The following AKNAD1 variants were observed in gnomAD, a reference collection of about 807,000 sequenced individuals.
AKNAD1 encodes the protein AKNA domain containing 1.
A neutral mutation model predicts 90.8 loss-of-function variants in AKNAD1; 67 were observed. The ratio of observed to expected loss-of-function variants is 0.74; its 90% confidence interval spans 0.61 to 0.90. AKNAD1 has a LOEUF of 0.90. Ranked by LOEUF, AKNAD1 falls within the 40% of genes least tolerant of loss-of-function variation. The pLI, the probability that AKNAD1 is intolerant of heterozygous loss-of-function variation, is 0.00. For missense variants in AKNAD1, 957 were observed against 975.4 expected (o/e 0.98, Z 0.25); for synonymous variants, 327 against 341.4 (o/e 0.96, Z 0.46).
At chr1:108,854,202 A>G (rs1215655225) in intron 1 of AKNAD1, among the ~76,000 whole-genome samples, 2 of 152,190 alleles carry the variant, frequency 1.3e-5, no homozygotes, top group Non-Finnish European at 2.9e-5. Context: ...TTTTTAAACA[A>G]AATTTAAAGC....
intron 6 of AKNAD1, 48 bp downstream of exon 6, chr1:108,843,083 AAGG>A (rs1664598628): frequency 2.5e-6 from 4 of 1,595,292 alleles, no homozygotes; most frequent in Non-Finnish European, 3.4e-6. Flanking sequence ...ATCCCACCTG[AAGG>A]AGATCACCTT....
At chr1:108,855,957 T>G (rs1665023276) in intron 1 of AKNAD1, among the ~76,000 whole-genome samples, 1 of 150,816 alleles carries the variant, frequency 6.6e-6, no homozygotes, top group Non-Finnish European at 1.5e-5. Flanking sequence ...GCTCAACTGA[T>G]CTTCCTCCCT....
At chr1:108,841,840 C>T (rs1436926508) in intron 6 of AKNAD1, among the ~76,000 whole-genome samples, 1 of 152,078 alleles carries the variant, frequency 6.6e-6, no homozygotes. Flanking sequence ...AAGTCTGGGT[C>T]CCTCCCTTGC....
At chr1:108,825,955 C>T (rs1663983810) in intron 11 of AKNAD1, among the ~76,000 whole-genome samples, 1 of 148,728 alleles carries the variant, frequency 6.7e-6, no homozygotes, top group South Asian at 2.1e-4. Flanking sequence ...TAAAAGGCAA[C>T]TGGATTCCAT....
intron 7 of AKNAD1, chr1:108,836,915 C>A (rs1287036089): frequency 6.6e-6 from 1 of 152,168 alleles, no homozygotes; most frequent in Non-Finnish European, 1.5e-5. Flanking sequence ...GAAGTGGATT[C>A]ATGGGAAATA....
chr1:108,854,846 T>A (rs752253208), intron 1 of AKNAD1, among the ~76,000 whole-genome samples: 4 of 152,188 alleles, frequency 2.6e-5, no homozygotes, highest in Non-Finnish European at 4.4e-5. Context: ...CTGGCTTCTC[T>A]GCTTTCTAGC....
intron 5 of AKNAD1, 85 bp from the exon 6 acceptor site, chr1:108,843,352 T>C: frequency 6.7e-7 from 1 of 1,497,818 alleles, no homozygotes; most frequent in African/African-American, 1.4e-5. Flanking sequence ...AGGTGTACCC[T>C]ACAGTAGTGT....
intron 1 of AKNAD1, among the ~76,000 whole-genome samples, chr1:108,855,744 C>A (rs1665011775): frequency 6.6e-6 from 1 of 152,036 alleles, no homozygotes; most frequent in Non-Finnish European, 1.5e-5. Context: ...CGAGATCATG[C>A]CGCTGTACTC....
chr1:108,852,821 A>G, intron 1 of AKNAD1, 54 bp from the exon 2 acceptor site: 1 of 580,614 alleles, frequency 1.7e-6, no homozygotes, highest in East Asian at 3.1e-5. Context: ...AATGTATACA[A>G]CTATGCCAGA....
In AKNAD1 at chr1:108,848,440, G is replaced by A. The variant is rs374504862; in HGVS notation, c.1245+312C>T. Among the ~76,000 whole-genome samples the A allele has an allele frequency of 1.2e-4, 18 of 152,224 alleles. 1 individual carries two copies. The highest frequency in any genetic ancestry group is 7.7e-4 in the East Asian group (4 of 5,192). ...GAATTCACCAGTACCCATCAACTGCGGACAGGCCCACTCTTTATAACTGAT... is the reference window on the plus strand; with the variant it reads ...GAATTCACCAGTACCCATCAACTGCAGACAGGCCCACTCTTTATAACTGAT... On this transcript the variant is annotated intron_variant, in intron 5 of 15. Transcript: ENST00000370001.
intron 1 of AKNAD1, among the ~76,000 whole-genome samples, chr1:108,853,136 CTTTT>C (rs889504364): frequency 7.5e-6 from 1 of 133,546 alleles, no homozygotes; most frequent in Non-Finnish European, 1.6e-5. Flanking sequence ...TTTCTTTTTT[CTTTT>C]TTTTTTTTTG....
Position 108,852,485 on chromosome 1 carries a change from A to G in AKNAD1, c.180T>C (p.His60=). 1 of 1,614,074 alleles carries G rather than the reference A, an allele frequency of 6.2e-7. No homozygotes were observed. The highest frequency in any genetic ancestry group is 8.5e-7 in the Non-Finnish European group (1 of 1,179,976). ...CAGCTGTATTTCCACAAGTCTCACT[A>G]TGCATAGCCTTCTCTTGAGGGTCAT... The part of the protein sequence containing the change: ...IADDPQEKAM[H]SETCGNTAVT... The change falls in exon 2 of 16, where the codon CAT becomes CAC. Residue 60 remains histidine, a synonymous_variant. Transcript: ENST00000370001.
upstream of AKNAD1, chr1:108,858,170 T>C (rs191357315): frequency 3.9e-5 from 6 of 152,864 alleles, no homozygotes; most frequent in Non-Finnish European, 8.8e-5. Flanking sequence ...GGAAGTTGAC[T>C]GCAGTTGAAT....
chr1:108,850,686 AAGAG>A (rs1303370717), intron 2 of AKNAD1, among the ~76,000 whole-genome samples: 1 of 152,164 alleles, frequency 6.6e-6, no homozygotes, highest in Non-Finnish European at 1.5e-5. Context: ...GTTACAGAAA[AAGAG>A]AGAGAATGGA....
intron 3 of AKNAD1, 73 bp from the exon 4 acceptor site, chr1:108,849,133 G>C: frequency 7.4e-7 from 1 of 1,342,540 alleles, no homozygotes; most frequent in South Asian, 1.6e-5. Flanking sequence ...ACTGAAAACA[G>C]AAAGCTGTTG....
At chr1:108,825,966 A>G (rs918140484) in intron 11 of AKNAD1, among the ~76,000 whole-genome samples, 2 of 151,708 alleles carry the variant, frequency 1.3e-5, no homozygotes, top group African/African-American at 4.8e-5. Context: ...TGGATTCCAT[A>G]ACTGCATCTC....
chr1:108,819,919 CAAAA>C lies in AKNAD1; in HGVS notation c.2249+622_2249+625del, dbSNP rs71591113. Among the ~76,000 whole-genome samples the C allele has an allele frequency of 9.5e-4, 122 of 129,012 alleles. 2 individuals are homozygous for C. Among genetic ancestry groups the C allele is most frequent in the African/African-American group, 3.0e-3 (102 of 33,818 alleles). 84.6% of individuals were successfully genotyped at this position (129,012 alleles called of 152,430 possible). ...TCTAAAAATAAAAATGAATTAACAG[CAAAA>C]AAAAAAAAAAAAAAAATACCCTAAT... On this transcript the variant is annotated intron_variant, in intron 14 of 15. Transcript: ENST00000370001.
chr1:108,830,732 G>A, intron 9 of AKNAD1, 82 bp from the exon 10 acceptor site: 1 of 1,396,688 alleles, frequency 7.2e-7, no homozygotes, highest in Non-Finnish European at 1.0e-6. Context: ...CCAGCAAGCA[G>A]CTGAGGTCCG....
chr1:108,843,109 C>T (rs770961395), intron 6 of AKNAD1, 25 bp downstream of exon 6: 1 of 1,612,648 alleles, frequency 6.2e-7, no homozygotes, highest in South Asian at 1.1e-5. Context: ...ACCCTTCCAC[C>T]TTACACAGTT....
Sources: gnomAD v4.1 joint callset for allele counts (sites outside exome capture counted in the v4.1 genomes callset) on GRCh38, gnomAD v4.1.1 for gene constraint, MANE v1.5 for transcripts, NCBI Gene and HGNC (gene_info 2026-07-23, HGNC 2026-07-21) for gene names.